The following PRKCH variants were observed in gnomAD, a reference collection of about 807,000 sequenced individuals.
PRKCH encodes protein kinase C eta.
A neutral mutation model predicts 82.5 loss-of-function variants in PRKCH; 28 were observed. The observed-to-expected ratio is 0.34, with a 90% CI of 0.25 to 0.47. PRKCH has a LOEUF of 0.47. PRKCH is among the 20% of genes least tolerant of loss of function. The pLI, the probability that PRKCH is intolerant of heterozygous loss-of-function variation, is 1.00. For missense variants in PRKCH, 705 were observed against 881.8 expected, an observed-to-expected ratio of 0.80 and a Z score of 2.54; for synonymous variants, 322 against 327.4, an observed-to-expected ratio of 0.98 and a Z score of 0.18.
In PRKCH at chr14:61,391,216, T is replaced by C. The variant is rs2046675248; in HGVS notation, c.364-9T>C. On this transcript the variant is annotated splice_polypyrimidine_tract_variant and intron_variant, in intron 1 of 13. Transcript: ENST00000332981. ...AACATATAATATACATTTTTTTTTC[T>C]CTTTGTAGGTGGATCTCGAGCCAGA... 6.2e-7 allele frequency: 1 copy of C among 1,603,350 alleles called. No homozygotes were observed. Among genetic ancestry groups the C allele is most frequent in the South Asian group, 1.1e-5 (1 of 88,690 alleles).
At position 61,550,712 on chromosome 14, in the gene PRKCH, G is replaced by A. The variant is rs548447763; in HGVS notation, c.*881G>A. The A allele has an allele frequency of 6.6e-6, 1 of 152,428 alleles. No individual in the cohort carries two copies. The highest frequency in any genetic ancestry group is 2.1e-4 in the South Asian group (1 of 4,830). The allele number at this position is 152,428 out of a possible 1,614,324, so 9.4% of individuals were successfully genotyped here. On this transcript the variant is annotated 3_prime_UTR_variant, in exon 14 of 14. Transcript: ENST00000332981. ...ACAGGTGCCTGCTGCCTGCCTACCT[G>A]GGTAATCTGATCTTGTCTGTATCGC...
Position 61,256,040 on chromosome 14 carries a change from A to T in PRKCH, c.-19+68372A>T, listed in dbSNP as rs140307789. ...TAAAGTTTAGTGGCGCGAGTCTGGG[A>T]TTCTATTTCAAATGCATTTGCACTT... On this transcript the variant is annotated intron_variant, in intron 1 of 3. Transcript: ENST00000555185. Among the ~76,000 whole-genome samples the T allele has an allele frequency of 3.8e-3, 583 of 152,298 alleles. 4 individuals carry two copies. Among genetic ancestry groups the T allele is most frequent in the African/African-American group, 0.013 (545 of 41,564 alleles).
At chr14:61,542,302 C>T (rs1360190457) in intron 12 of PRKCH, among the ~76,000 whole-genome samples, 1 of 146,878 alleles carries the variant, frequency 6.8e-6, no homozygotes, top group African/African-American at 2.6e-5. Flanking sequence ...CAAAAAAAAA[C>T]AAAACAAACA....
intron 1 of PRKCH, among the ~76,000 whole-genome samples, chr14:61,292,339 G>A (rs190194953): frequency 1.4e-4 from 21 of 151,520 alleles, no homozygotes; most frequent in African/African-American, 3.6e-4. Flanking sequence ...TTAATTAGCC[G>A]TGTATGGTAG....
At chr14:61,212,648 G>C (rs1317757914) in intron 1 of PRKCH, among the ~76,000 whole-genome samples, 4 of 152,178 alleles carry the variant, frequency 2.6e-5, no homozygotes, top group African/African-American at 7.2e-5. Flanking sequence ...GGTTAATGTA[G>C]AGGTAGTAAG....
At chr14:61,408,218 C>A (rs1359913265) in intron 2 of PRKCH, among the ~76,000 whole-genome samples, 1 of 152,152 alleles carries the variant, frequency 6.6e-6, no homozygotes, top group Non-Finnish European at 1.5e-5. Context: ...AGTGGCATTC[C>A]CACTCTAGGT....
At chr14:61,502,052 T>A (rs1256470201) in intron 10 of PRKCH, among the ~76,000 whole-genome samples, 36 of 98,558 alleles carry the variant, frequency 3.7e-4, no homozygotes, top group African/African-American at 1.7e-3. Context: ...TTTCTTTTCT[T>A]TTCTTTTCTT....
At chr14:61,521,310 A>G (rs1345582850) in intron 10 of PRKCH, among the ~76,000 whole-genome samples, 1 of 152,178 alleles carries the variant, frequency 6.6e-6, no homozygotes, top group African/African-American at 2.4e-5. Context: ...CCTTCATAAA[A>G]ATTTGGCAGC....
At chr14:61,351,699 T>G (rs564676715) in intron 1 of PRKCH, among the ~76,000 whole-genome samples, 2 of 152,252 alleles carry the variant, frequency 1.3e-5, no homozygotes, top group African/African-American at 4.8e-5. Context: ...CAATTGTAGG[T>G]TTAGCTCTTT....
chr14:61,375,363 C>T (rs766250918), intron 1 of PRKCH, among the ~76,000 whole-genome samples: 4 of 152,074 alleles, frequency 2.6e-5, no homozygotes, highest in Non-Finnish European at 5.9e-5. Context: ...ACTGTTCCAA[C>T]CTCTACCTGT....
intron 1 of PRKCH, among the ~76,000 whole-genome samples, chr14:61,346,847 C>A (rs1035814650): frequency 7.2e-5 from 11 of 152,226 alleles, no homozygotes; most frequent in Admixed American, 7.2e-4. Context: ...GGACTTCAAC[C>A]AAACAGCCAT....
At chr14:61,415,639 A>G (rs571722883) in intron 2 of PRKCH, among the ~76,000 whole-genome samples, 4 of 152,222 alleles carry the variant, frequency 2.6e-5, no homozygotes, top group South Asian at 2.1e-4. Context: ...CTGGTTCCAT[A>G]TCTTTCCTGT....
intron 1 of PRKCH, among the ~76,000 whole-genome samples, chr14:61,255,376 G>A (rs1252440669): frequency 6.6e-6 from 1 of 152,202 alleles, no homozygotes; most frequent in Non-Finnish European, 1.5e-5. Context: ...CCCCAGAGAG[G>A]TCTTGAGATT....
chr14:61,257,345 T>A (rs2045006796), intron 1 of PRKCH, among the ~76,000 whole-genome samples: 2 of 152,112 alleles, frequency 1.3e-5, no homozygotes, highest in African/African-American at 4.8e-5. Flanking sequence ...TTAACACCGA[T>A]CTCGGTGGAA....
Position 61,262,219 on chromosome 14 carries a change from T to TAAA in PRKCH, c.-19+74562_-19+74564dup, listed in dbSNP as rs1297799647. On this transcript the variant is annotated intron_variant, in intron 1 of 3. Transcript: ENST00000555185. ...CTCAGTGACAGAGTGAGACTCTGTATAAAAAAAAAAAAAGAATATTCAGAG... is the reference window on the plus strand; with the variant it reads ...CTCAGTGACAGAGTGAGACTCTGTATAAAAAAAAAAAAAAAAGAATATTCAGAG... 4.6e-4 allele frequency among the ~76,000 whole-genome samples: 49 copies of TAAA among 106,596 alleles called. 1 individual carries two copies. Among genetic ancestry groups the TAAA allele is most frequent in the African/African-American group, 1.8e-3 (45 of 24,514 alleles). 69.9% of individuals were successfully genotyped at this position (106,596 alleles called of 152,430 possible).
At chr14:61,469,129 G>A (rs1297024298) in intron 9 of PRKCH, among the ~76,000 whole-genome samples, 1 of 152,170 alleles carries the variant, frequency 6.6e-6, no homozygotes, top group African/African-American at 2.4e-5. Context: ...AGAGTTGGAG[G>A]TCTTGCTATG....
chr14:61,517,170 T>C (rs1442469281), intron 10 of PRKCH, among the ~76,000 whole-genome samples: 1 of 152,198 alleles, frequency 6.6e-6, no homozygotes, highest in Non-Finnish European at 1.5e-5. Flanking sequence ...AAAAGCAGCC[T>C]GCACATCCCT....
intron 1 of PRKCH, chr14:61,281,085 C>G: frequency 2.6e-6 from 4 of 1,512,656 alleles, no homozygotes; most frequent in Non-Finnish European, 3.5e-6. Flanking sequence ...CGGGGAGGCG[C>G]TGCTGAGTGA....
At chr14:61,462,374 A>T (rs917686975) in intron 9 of PRKCH, among the ~76,000 whole-genome samples, 1 of 152,218 alleles carries the variant, frequency 6.6e-6, no homozygotes, top group Non-Finnish European at 1.5e-5. Context: ...TGGGTGACAG[A>T]GCACGACTTT....
Sources: allele counts gnomAD v4.1 joint callset (sites outside exome capture counted in the v4.1 genomes callset), GRCh38; gene constraint gnomAD v4.1.1; transcripts MANE v1.5; gene names NCBI Gene and HGNC (gene_info 2026-07-23, HGNC 2026-07-21).